WDHD1: variants seen among roughly 807,000 people sequenced by gnomAD.
The protein encoded by WDHD1 is WD repeat and HMG-box DNA-binding protein 1.
A neutral mutation model predicts 135.4 loss-of-function variants in WDHD1; 111 were observed. The ratio of observed to expected loss-of-function variants is 0.82; its 90% confidence interval spans 0.70 to 0.96. The LOEUF (loss-of-function observed/expected upper bound fraction) is 0.96, where lower values mean the gene tolerates loss of function less well. Ranked by LOEUF, WDHD1 falls within the 40% of genes least tolerant of loss-of-function variation. The pLI is 0.00. For synonymous variants in WDHD1, 434 were observed against 439.0 expected (o/e 0.99, Z 0.14); for missense variants, 1,351 against 1,336.3 (o/e 1.01, Z -0.17).
Position 54,987,266 on chromosome 14 carries a change from T to C in WDHD1, c.1648A>G (p.Ser550Gly). 3 of 1,614,120 alleles carry C rather than the reference T, an allele frequency of 1.9e-6. No homozygotes were observed. The highest frequency in any genetic ancestry group is 2.2e-5 in the South Asian group (2 of 91,082). ...GTAAACAATCGAAGAAGCAGGGCACTAGTAGCGGCAGCAGCCCATCCTTGA... is the reference window on the plus strand; with the variant it reads ...GTAAACAATCGAAGAAGCAGGGCACCAGTAGCGGCAGCAGCCCATCCTTGA... Reference protein sequence around the residue: ...LGQGWAAAATSALLLRLFTIG... With the variant: ...LGQGWAAAATGALLLRLFTIG... Residue 550 changes from serine (S) to glycine (G), a missense_variant, in exon 14 of 26, where the codon AGT (serine) becomes GGT (glycine). By Grantham distance (56) the Ser-to-Gly change is moderately conservative. Transcript: ENST00000360586.
intron 2 of WDHD1, among the ~76,000 whole-genome samples, chr14:55,017,790 T>C (rs2042285339): frequency 6.6e-6 from 1 of 152,180 alleles, no homozygotes; most frequent in Non-Finnish European, 1.5e-5. Flanking sequence ...TTTCAGATTT[T>C]ATTTATATCT....
chr14:54,981,489 T>G, intron 16 of WDHD1, 51 bp downstream of exon 16: 2 of 1,568,074 alleles, frequency 1.3e-6, no homozygotes, highest in Non-Finnish European at 1.7e-6. Flanking sequence ...AAAAAGAATT[T>G]CAACATACTT....
chr14:55,016,069 G>A (rs2042257806), intron 2 of WDHD1, among the ~76,000 whole-genome samples: 1 of 152,152 alleles, frequency 6.6e-6, no homozygotes, highest in African/African-American at 2.4e-5. Context: ...CCAGTTGGTG[G>A]GACCAATGGA....
chr14:55,000,619 T>C lies in WDHD1; in HGVS notation c.826A>G (p.Ile276Val), dbSNP rs115947628. The C allele has an allele frequency of 9.1e-4, 1,441 of 1,587,168 alleles. 11 individuals carry two copies. In the African/African-American group the frequency reaches 0.017, roughly 19 times the overall value. Residue 276 changes from isoleucine to valine, a missense_variant, in exon 10 of 26, where the codon ATT (isoleucine) becomes GTT (valine). Around this residue, in one of 2 missense-constraint regions of WDHD1, gnomAD observed 1,330 missense variants for 1,296.1 expected, o/e 1.03. Coordinates refer to ENST00000360586, the MANE Select transcript of WDHD1 (RefSeq NM_007086.4). ...GTAGGATGCCATGCCAGACCACAAA[T>C]TGCATAACCTTTCTCATGTTTCACC... Reference protein sequence around the residue: ...ERVKHEKGYAICGLAWHPTCG... With the variant: ...ERVKHEKGYAVCGLAWHPTCG...
At chr14:54,986,682 T>C (rs989932221) in intron 14 of WDHD1, among the ~76,000 whole-genome samples, 6 of 152,138 alleles carry the variant, frequency 3.9e-5, no homozygotes, top group African/African-American at 1.2e-4. Context: ...GTATTTTCAA[T>C]GGAATTATTT....
At chr14:55,000,311 T>C (rs1280573250) in intron 10 of WDHD1, among the ~76,000 whole-genome samples, 192 bp downstream of exon 10, 3 of 152,194 alleles carry the variant, frequency 2.0e-5, no homozygotes, top group African/African-American at 2.4e-5. Context: ...AAAAAGTTTC[T>C]TAGTAAAATA....
At chr14:54,958,499 A>G (rs1046878015) in intron 21 of WDHD1, among the ~76,000 whole-genome samples, 1 of 152,030 alleles carries the variant, frequency 6.6e-6, no homozygotes, top group Non-Finnish European at 1.5e-5. Flanking sequence ...CCTCCATACA[A>G]TATAGCACTT....
At chr14:54,994,188 T>G (rs2041840454) in intron 11 of WDHD1, among the ~76,000 whole-genome samples, 2 of 152,232 alleles carry the variant, frequency 1.3e-5, no homozygotes. Flanking sequence ...AGATTTTAAA[T>G]TACAATCTCA....
chr14:55,007,228 TA>T, intron 7 of WDHD1, 51 bp downstream of exon 7: 1 of 1,244,994 alleles, frequency 8.0e-7, no homozygotes. Flanking sequence ...ACTCCATCTC[TA>T]ATAAAAAAAA....
At chr14:54,980,349 G>A (rs1319016435) in intron 16 of WDHD1, among the ~76,000 whole-genome samples, 2 of 151,486 alleles carry the variant, frequency 1.3e-5, no homozygotes, top group Non-Finnish European at 2.9e-5. Context: ...ATAATTCAGT[G>A]GTTTTTTTGT....
intron 2 of WDHD1, among the ~76,000 whole-genome samples, chr14:55,020,759 C>A (rs941557094): frequency 1.3e-5 from 2 of 152,108 alleles, no homozygotes; most frequent in Non-Finnish European, 2.9e-5. Flanking sequence ...TTTTGATTAT[C>A]CTAAAACTTT....
chr14:54,995,955 G>C (rs1333310721), intron 10 of WDHD1, 142 bp from the exon 11 acceptor site: 6 of 599,792 alleles, frequency 1.0e-5, no homozygotes, highest in Admixed American at 6.5e-5. Context: ...ATTAGTAAAT[G>C]TATTTATGAG....
chr14:54,982,028 G>C (rs1209763774), intron 15 of WDHD1, among the ~76,000 whole-genome samples: 1 of 150,012 alleles, frequency 6.7e-6, no homozygotes, highest in African/African-American at 2.5e-5. Context: ...TTTTTTTCGA[G>C]ATGGAGTCTT....
intron 24 of WDHD1, among the ~76,000 whole-genome samples, chr14:54,953,394 G>A (rs566308476): frequency 2.0e-5 from 3 of 152,338 alleles, no homozygotes; most frequent in Admixed American, 6.5e-5. Context: ...CTGGCCATCA[G>A]AGAAATGCAA....
In WDHD1 at chr14:54,940,813, T is replaced by C. The variant is rs1197952502; in HGVS notation, c.*677A>G. On this transcript the variant is annotated 3_prime_UTR_variant, in exon 26 of 26. Transcript: ENST00000360586. ...GCAAAATGGGGGTGGTGGTAGAAAT[T>C]ATGGTAGTAAATATATATTTTCTAG... 2.0e-5 allele frequency: 3 copies of C among 152,134 alleles called. No individual in the cohort carries two copies. The highest frequency in any genetic ancestry group is 6.6e-5 in the Admixed American group (1 of 15,262). 9.4% of individuals were successfully genotyped at this position (152,134 alleles called of 1,614,324 possible). A position where few individuals can be genotyped will look rare whatever the true frequency, so the allele number is the denominator to read the frequency against.
chr14:54,957,119 T>G lies in WDHD1; in HGVS notation c.2831A>C (p.Lys944Thr). 6.2e-7 allele frequency: 1 copy of G among 1,614,180 alleles called. No individual in the cohort carries two copies. The highest frequency in any genetic ancestry group is 1.1e-5 in the South Asian group (1 of 91,084). ...AGTTCGACTAAGTGCAGTGGATTTC[T>G]TGGATGATTTGCCCATATTGTCTAA... ...NILDNMGKSS[K>T]KSTALSRTTN... is the part of the protein sequence containing the mutation. The change falls in exon 23 of 26, where the codon AAG becomes ACG. Residue 944 changes from lysine to threonine, a missense_variant. Coordinates refer to ENST00000360586, the MANE Select transcript of WDHD1 (RefSeq NM_007086.4).
chr14:54,988,925 TACAA>T, intron 13 of WDHD1, 99 bp downstream of exon 13: 1 of 1,072,224 alleles, frequency 9.3e-7, no homozygotes, highest in Non-Finnish European at 1.3e-6. Flanking sequence ...AATTTCATAT[TACAA>T]AAAATAAATT....
rs151256239 is a variant in WDHD1, at chr14:55,006,862, T to C, written c.600+418A>G. Among the ~76,000 whole-genome samples, 339 of 152,286 alleles carry C rather than the reference T, an allele frequency of 2.2e-3. 3 individuals are homozygous for C. In the South Asian group the frequency reaches 0.035, roughly 16 times the overall value. On this transcript the variant is annotated intron_variant, in intron 7 of 25. Transcript: ENST00000360586. ...GGTACTCTAAAATTTATAATCCAAA[T>C]TTTTAAAAAGTAATTAAAAAAACTA...
intron 14 of WDHD1, among the ~76,000 whole-genome samples, chr14:54,986,790 C>G (rs56328130): frequency 2.6e-5 from 4 of 152,152 alleles, no homozygotes; most frequent in Non-Finnish European, 5.9e-5. Context: ...AAAAAGGAGG[C>G]AGCAGCTTTT....
Sources: allele counts gnomAD v4.1 joint callset (sites outside exome capture counted in the v4.1 genomes callset), GRCh38; gene constraint gnomAD v4.1.1; regional missense constraint gnomAD v4.1.1; transcripts MANE v1.5; gene names NCBI Gene and HGNC (gene_info 2026-07-23, HGNC 2026-07-21).